The following CAMTA1 variants were observed in gnomAD, a reference collection of about 807,000 sequenced individuals.
The protein encoded by CAMTA1 is calmodulin-binding transcription activator 1.
CAMTA1 carries 27 observed loss-of-function variants against 170.9 expected under a neutral mutation model. That is an observed-to-expected ratio of 0.16 (90% confidence interval 0.12 to 0.22). The LOEUF (loss-of-function observed/expected upper bound fraction) is 0.22, where lower values mean the gene tolerates loss of function less well. Ranked by LOEUF, CAMTA1 falls within the 10% of genes least tolerant of loss-of-function variation. The pLI is 1.00. For synonymous variants in CAMTA1, 833 were observed against 891.5 expected (o/e 0.93, Z 1.17); for missense variants, 1,619 against 2,217.2 (o/e 0.73, Z 5.42).
intron 4 of CAMTA1, among the ~76,000 whole-genome samples, chr1:7,207,244 T>A (rs1558247763): frequency 6.6e-6 from 1 of 152,178 alleles, no homozygotes; most frequent in Non-Finnish European, 1.5e-5. Flanking sequence ...CCACCACTCC[T>A]GGGGCTTTCC....
At chr1:7,183,676 A>C (rs142046489) in intron 4 of CAMTA1, among the ~76,000 whole-genome samples, 123 of 152,304 alleles carry the variant, frequency 8.1e-4, no homozygotes, top group African/African-American at 2.9e-3. Flanking sequence ...ATGAACTGGC[A>C]TGGGGTGTAT....
chr1:7,431,494 C>T (rs901135217), intron 5 of CAMTA1, among the ~76,000 whole-genome samples: 4 of 152,194 alleles, frequency 2.6e-5, no homozygotes, highest in Non-Finnish European at 4.4e-5. Context: ...GGTCCCTGAT[C>T]GCTGGGAAGA....
intron 4 of CAMTA1, among the ~76,000 whole-genome samples, chr1:7,191,430 T>C (rs1009292962): frequency 1.6e-4 from 24 of 152,362 alleles, no homozygotes; most frequent in African/African-American, 5.8e-4. Context: ...TCAATAGTGT[T>C]GCGTTTTCAA....
chr1:7,760,481 C>A (rs916779976), intron 22 of CAMTA1, among the ~76,000 whole-genome samples: 2 of 152,228 alleles, frequency 1.3e-5, no homozygotes, highest in Non-Finnish European at 2.9e-5. Flanking sequence ...CTCAATTTGG[C>A]ATGAGGCATA....
At chr1:7,602,976 T>G (rs1014573836) in intron 6 of CAMTA1, among the ~76,000 whole-genome samples, 9 of 152,238 alleles carry the variant, frequency 5.9e-5, no homozygotes, top group Non-Finnish European at 1.2e-4. Flanking sequence ...TGAGTGAGTT[T>G]CTGAATCCTG....
At position 7,270,252 on chromosome 1, in the gene CAMTA1, C is replaced by T. The variant is rs1379365609; in HGVS notation, c.438+20626C>T. Reference sequence around the variant, plus strand: ...ATATACACATATATACATACACACACACACACACACACACACACACACATA... The same window carrying T: ...ATATACACATATATACATACACACATACACACACACACACACACACACATA... On this transcript the variant is annotated intron_variant, in intron 5 of 22. Coordinates refer to ENST00000303635, the MANE Select transcript of CAMTA1 (RefSeq NM_015215.4). Among the ~76,000 whole-genome samples the T allele has an allele frequency of 4.7e-4, 9 of 19,262 alleles. No homozygotes were observed. In the South Asian group the frequency reaches 7.7e-3, roughly 16 times the overall value. The allele number at this position is 19,262 out of a possible 152,430, so 12.6% of individuals were successfully genotyped here. A position where few individuals can be genotyped will look rare whatever the true frequency, so the allele number is the denominator to read the frequency against.
intron 3 of CAMTA1, among the ~76,000 whole-genome samples, chr1:6,899,554 GCACACA>G (rs70984034): frequency 0.033 from 4,721 of 141,152 alleles, 115 homozygotes; most frequent in African/African-American, 0.062. Flanking sequence ...ACGCGCGCGC[GCACACA>G]CACACACACA....
intron 3 of CAMTA1, among the ~76,000 whole-genome samples, chr1:6,867,962 C>T (rs924406242): frequency 6.6e-6 from 1 of 152,046 alleles, no homozygotes; most frequent in African/African-American, 2.4e-5. Context: ...CATGTACCAC[C>T]ACACCCAGCT....
intron 6 of CAMTA1, among the ~76,000 whole-genome samples, chr1:7,593,871 G>A (rs1453008488): frequency 4.0e-5 from 6 of 150,768 alleles, no homozygotes; most frequent in East Asian, 2.0e-4. Flanking sequence ...GTGAAACCCC[G>A]TCTCTACTAA....
intron 3 of CAMTA1, among the ~76,000 whole-genome samples, chr1:7,084,588 G>T (rs939709126): frequency 6.6e-6 from 1 of 152,250 alleles, no homozygotes; most frequent in Non-Finnish European, 1.5e-5. Flanking sequence ...GGTGGACCGA[G>T]GGGGGCAGGG....
chr1:6,952,571 G>A lies in CAMTA1; in HGVS notation c.234+127361G>A, dbSNP rs188419170. Among the ~76,000 whole-genome samples, 57 of 151,736 alleles carry A rather than the reference G, an allele frequency of 3.8e-4. 1 individual carries two copies. Among genetic ancestry groups the A allele is most frequent in the African/African-American group, 1.2e-3 (50 of 41,376 alleles). On this transcript the variant is annotated intron_variant, in intron 3 of 22. Coordinates refer to ENST00000303635, the MANE Select transcript of CAMTA1 (RefSeq NM_015215.4). ...AACTATTTGGCCAGGTGTGTCTCAC[G>A]CCTGTAATCCCAGCACTTTGGGAAG...
chr1:7,039,248 TTCC>T (rs562412358), intron 3 of CAMTA1, among the ~76,000 whole-genome samples: 2 of 152,026 alleles, frequency 1.3e-5, no homozygotes, highest in South Asian at 2.1e-4. Context: ...CCCACTTTTC[TTCC>T]TCCTCCTCCT....
chr1:6,912,698 C>T (rs1679981935), intron 3 of CAMTA1, among the ~76,000 whole-genome samples: 1 of 152,206 alleles, frequency 6.6e-6, no homozygotes, highest in Admixed American at 6.5e-5. Context: ...CTCCCTCATG[C>T]CCCACCTCTG....
At chr1:7,373,551 C>A (rs936446507) in intron 5 of CAMTA1, among the ~76,000 whole-genome samples, 7 of 152,210 alleles carry the variant, frequency 4.6e-5, no homozygotes, top group Non-Finnish European at 8.8e-5. Flanking sequence ...TGCACTCAGA[C>A]TCACTCTGAG....
At position 7,532,128 on chromosome 1, in the gene CAMTA1, G is replaced by T. The variant is rs2094499233; in HGVS notation, c.510+64227G>T. Among the ~76,000 whole-genome samples, 1 of 151,970 alleles carries T rather than the reference G, an allele frequency of 6.6e-6. No individual in the cohort carries two copies. The highest frequency in any genetic ancestry group is 1.5e-5 in the Non-Finnish European group (1 of 68,018). On this transcript the variant is annotated intron_variant, in intron 6 of 22. Coordinates refer to ENST00000303635, the MANE Select transcript of CAMTA1 (RefSeq NM_015215.4). The surrounding 1 kb of genome is among the most constrained non-coding windows in gnomAD (Gnocchi z 4.2). ...CAGGTGACTCCAGCGGTACCTGGAG[G>T]CTCCCGGGCCCACCCGAGCCCTAAG...
At chr1:7,713,271 A>G (rs1042948021) in intron 11 of CAMTA1, among the ~76,000 whole-genome samples, 1 of 152,168 alleles carries the variant, frequency 6.6e-6, no homozygotes, top group African/African-American at 2.4e-5. Flanking sequence ...CTGTGCTAGG[A>G]TGGAGTAGCA....
intron 22 of CAMTA1, among the ~76,000 whole-genome samples, chr1:7,757,793 C>T (rs1039679530): frequency 1.3e-5 from 2 of 152,112 alleles, no homozygotes; most frequent in African/African-American, 2.4e-5. Flanking sequence ...TTTAAAGGCT[C>T]ATTTATTTAA....
chr1:7,286,119 G>A lies in CAMTA1; in HGVS notation c.438+36493G>A, dbSNP rs187160748. Among the ~76,000 whole-genome samples the A allele has an allele frequency of 6.6e-6, 1 of 152,300 alleles. No individual in the cohort carries two copies. The highest frequency in any genetic ancestry group is 1.9e-4 in the East Asian group (1 of 5,178). ...AGCGCCACATGGTCTCTGTTCTTGA[G>A]GTGTGCACAGCCTGCGTGCTGAGGG... On this transcript the variant is annotated intron_variant, in intron 5 of 22. Coordinates refer to ENST00000303635, the MANE Select transcript of CAMTA1 (RefSeq NM_015215.4). The surrounding 1 kb of genome is among the most constrained non-coding windows in gnomAD (Gnocchi z 4.2).
chr1:7,037,868 G>A (rs1349534607), intron 3 of CAMTA1, among the ~76,000 whole-genome samples: 3 of 149,290 alleles, frequency 2.0e-5, no homozygotes, highest in African/African-American at 2.4e-5. Flanking sequence ...TTGGGAAACA[G>A]TAACTGACAC....
Sources: allele counts gnomAD v4.1 joint callset (sites outside exome capture counted in the v4.1 genomes callset), GRCh38; gene constraint gnomAD v4.1.1; non-coding constraint Gnocchi (gnomAD v3.1); transcripts MANE v1.5; gene names NCBI Gene and HGNC (gene_info 2026-07-23, HGNC 2026-07-21).